CNBD1: variants seen among roughly 807,000 people sequenced by gnomAD.
The protein encoded by CNBD1 is cyclic nucleotide binding domain containing 1.
A neutral mutation model predicts 54.4 loss-of-function variants in CNBD1; 71 were observed. That is an observed-to-expected ratio of 1.30 (90% CI 1.08 to 1.59). The LOEUF is 1.59. CNBD1 is among the 40% of genes most tolerant of loss of function. The pLI, the probability that CNBD1 is intolerant of heterozygous loss-of-function variation, is 0.00. For synonymous variants in CNBD1, 182 were observed against 170.7 expected (o/e 1.07, Z -0.51); for missense variants, 659 against 518.0 (o/e 1.27, Z -2.64).
chr8:87,408,929 C>A (rs1357926717), intron 2 of CNBD1, among the ~76,000 whole-genome samples: 1 of 152,062 alleles, frequency 6.6e-6, no homozygotes, highest in Non-Finnish European at 1.5e-5. Flanking sequence ...GTCATTCCCC[C>A]ATCTCTCTCT....
chr8:86,870,095 A>G (rs1459309935), intron 1 of CNBD1, among the ~76,000 whole-genome samples: 4 of 151,326 alleles, frequency 2.6e-5, no homozygotes, highest in African/African-American at 7.3e-5. Context: ...ATTTCTAGGT[A>G]TCTTTCATTT....
chr8:87,415,872 T>G (rs530809524), intron 2 of CNBD1, among the ~76,000 whole-genome samples: 1 of 151,314 alleles, frequency 6.6e-6, no homozygotes, highest in Non-Finnish European at 1.5e-5. Flanking sequence ...AGTGGAAAAA[T>G]TAAAACCAAA....
intron 2 of CNBD1, among the ~76,000 whole-genome samples, chr8:87,391,776 G>T (rs1351035932): frequency 6.6e-6 from 1 of 151,682 alleles, no homozygotes; most frequent in Non-Finnish European, 1.5e-5. Context: ...TGTGACCTTG[G>T]GTAAAGCGAA....
intron 6 of CNBD1, among the ~76,000 whole-genome samples, chr8:87,282,050 G>C (rs1808611159): frequency 6.6e-6 from 1 of 150,870 alleles, no homozygotes; most frequent in Non-Finnish European, 1.5e-5. Flanking sequence ...AGATATTTGA[G>C]GTATTATTCT....
At chr8:87,190,871 ATATAGATACATGTACGTATATC>A (rs1813589087) in intron 4 of CNBD1, among the ~76,000 whole-genome samples, 1 of 138,962 alleles carries the variant, frequency 7.2e-6, no homozygotes, top group African/African-American at 3.1e-5. Flanking sequence ...ATCTAAATAG[ATATAGATACATGTACGTATATC>A]TATTTAGATA....
chr8:87,265,139 A>G (rs1808224180), intron 6 of CNBD1, among the ~76,000 whole-genome samples: 2 of 152,106 alleles, frequency 1.3e-5, no homozygotes, highest in Admixed American at 6.6e-5. Context: ...TTTAGGTCTA[A>G]CATGTGAGTC....
intron 6 of CNBD1, among the ~76,000 whole-genome samples, chr8:87,257,021 A>T (rs1808037764): frequency 6.6e-6 from 1 of 152,094 alleles, no homozygotes; most frequent in South Asian, 2.1e-4. Flanking sequence ...CTACTGTTAT[A>T]ACATCAACAC....
At chr8:86,940,743 C>G (rs1213940284) in intron 4 of CNBD1, among the ~76,000 whole-genome samples, 2 of 151,962 alleles carry the variant, frequency 1.3e-5, no homozygotes, top group African/African-American at 4.8e-5. Flanking sequence ...AGGAACAAAA[C>G]CAAAAGTGTC....
chr8:87,424,477 C>T (rs1183696709), intron 2 of CNBD1, among the ~76,000 whole-genome samples: 2 of 152,156 alleles, frequency 1.3e-5, no homozygotes, highest in South Asian at 4.1e-4. Context: ...TATGTTGTGT[C>T]TTTGTTCTCA....
chr8:87,262,186 A>G (rs1389309204), intron 6 of CNBD1, among the ~76,000 whole-genome samples: 1 of 152,106 alleles, frequency 6.6e-6, no homozygotes, highest in Non-Finnish European at 1.5e-5. Flanking sequence ...AAAAAACACA[A>G]TATAAATAAT....
intron 1 of CNBD1, among the ~76,000 whole-genome samples, chr8:86,868,161 G>A (rs1166612943): frequency 6.6e-6 from 1 of 152,100 alleles, no homozygotes. Context: ...GACTGAACCT[G>A]AATTACAAAG....
intron 8 of CNBD1, among the ~76,000 whole-genome samples, chr8:87,348,744 G>C (rs1338376427): frequency 6.6e-6 from 1 of 152,122 alleles, no homozygotes; most frequent in Non-Finnish European, 1.5e-5. Context: ...CACTATCCCA[G>C]TGCTGATGCT....
intron 2 of CNBD1, among the ~76,000 whole-genome samples, chr8:86,893,157 A>G (rs7827810): frequency 0.012 from 1,772 of 152,276 alleles, 27 homozygotes; most frequent in Middle Eastern, 0.038. Context: ...GTGGGCAGAG[A>G]TAGGTGGGAT....
chr8:87,101,047 T>C (rs1811419859), intron 4 of CNBD1, among the ~76,000 whole-genome samples: 1 of 152,224 alleles, frequency 6.6e-6, no homozygotes, highest in South Asian at 2.1e-4. Flanking sequence ...AGTTTGAATC[T>C]AACTGCCTGC....
At chr8:87,232,687 G>T (rs1807469313) in intron 5 of CNBD1, among the ~76,000 whole-genome samples, 1 of 152,086 alleles carries the variant, frequency 6.6e-6, no homozygotes, top group Non-Finnish European at 1.5e-5. Context: ...TACAGTACTT[G>T]TAGCTTGCGA....
At chr8:87,138,708 A>G (rs777347787) in intron 4 of CNBD1, among the ~76,000 whole-genome samples, 4 of 152,168 alleles carry the variant, frequency 2.6e-5, no homozygotes, top group African/African-American at 7.2e-5. Context: ...AAACACTAAC[A>G]TAACGTGTTT....
intron 5 of CNBD1, among the ~76,000 whole-genome samples, chr8:87,221,542 G>T (rs186323440): frequency 2.6e-5 from 4 of 151,884 alleles, no homozygotes; most frequent in Admixed American, 2.6e-4. Context: ...CATCATAAAT[G>T]CTTCTTTTTC....
intron 4 of CNBD1, among the ~76,000 whole-genome samples, chr8:87,095,041 A>G (rs150895155): frequency 3.7e-3 from 568 of 152,336 alleles, no homozygotes; most frequent in Admixed American, 6.7e-3. Context: ...CTCCTTCTCA[A>G]AAAAAACAAA....
intron 4 of CNBD1, among the ~76,000 whole-genome samples, chr8:87,032,139 C>A (rs751346900): frequency 6.6e-6 from 1 of 152,194 alleles, no homozygotes. Flanking sequence ...TGGCTGCATA[C>A]ATTTAATGGT....
Sources: allele counts gnomAD v4.1 joint callset (sites outside exome capture counted in the v4.1 genomes callset), GRCh38; gene constraint gnomAD v4.1.1; transcripts MANE v1.5; gene names NCBI Gene and HGNC (gene_info 2026-07-23, HGNC 2026-07-21).